The following POU3F3 variants were observed in gnomAD, a reference collection of about 807,000 sequenced individuals.
The protein encoded by POU3F3 is POU class 3 homeobox 3.
POU3F3 carries 1 observed loss-of-function variant against 8.6 expected under a neutral mutation model. The observed-to-expected ratio is 0.12, with a 90% CI of 0.04 to 0.55. The LOEUF (loss-of-function observed/expected upper bound fraction) is 0.55, where lower values mean the gene tolerates loss of function less well. Ranked by LOEUF, POU3F3 falls within the 20% of genes least tolerant of loss-of-function variation. POU3F3 has a pLI of 0.91. For missense variants in POU3F3, 577 were observed against 690.7 expected (o/e 0.84, Z 1.84); for synonymous variants, 418 against 327.4 (o/e 1.28, Z -2.99).
the POU3F3 span, among the ~76,000 whole-genome samples, chr2:104,863,651 C>T: frequency 6.6e-6 from 1 of 152,118 alleles, no homozygotes; most frequent in South Asian, 2.1e-4. Context: ...GGATCTGGAC[C>T]CGTGACCCCT....
the POU3F3 span, among the ~76,000 whole-genome samples, chr2:104,917,770 G>T: frequency 6.6e-6 from 1 of 152,188 alleles, no homozygotes; most frequent in Non-Finnish European, 1.5e-5. Flanking sequence ...TCCACCACCA[G>T]AATCCAGGAT....
downstream of POU3F3, among the ~76,000 whole-genome samples, chr2:104,862,448 T>G (rs1162429972): frequency 6.6e-6 from 1 of 151,652 alleles, no homozygotes; most frequent in Non-Finnish European, 1.5e-5. Flanking sequence ...CGGGGTCAGG[T>G]GTAAGGCCTG....
chr2:104,901,511 G>C, the POU3F3 span, among the ~76,000 whole-genome samples: 1 of 152,160 alleles, frequency 6.6e-6, no homozygotes, highest in African/African-American at 2.4e-5. Flanking sequence ...CACTTCAGCC[G>C]CAGTTACCAC....
chr2:104,854,843 GGAGGAGAGGA>G lies in POU3F3; in HGVS notation c.-654_-645del, dbSNP rs762777001. On this transcript the variant is annotated 5_prime_UTR_variant, in exon 1 of 1. Transcript: ENST00000361360. The surrounding 1 kb of genome is among the most constrained non-coding windows in gnomAD (Gnocchi z 4.5). ...GAAAACGAGTGAAATGTGTTCCTGA[GGAGGAGAGGA>G]GAGGAGAGGAGAGAGCGGACAAGAG... 1.4e-4 allele frequency among the ~76,000 whole-genome samples: 22 copies of G among 152,340 alleles called. No individual in the cohort carries two copies. The highest frequency in any genetic ancestry group is 4.6e-4 in the Admixed American group (7 of 15,304).
At chr2:104,878,320 A>T in the POU3F3 span, among the ~76,000 whole-genome samples, 1 of 152,210 alleles carries the variant, frequency 6.6e-6, no homozygotes, top group Admixed American at 6.5e-5. Context: ...AATTATTTTC[A>T]ATGGAGTGGA....
the POU3F3 span, among the ~76,000 whole-genome samples, chr2:104,885,367 T>A: frequency 1.3e-5 from 2 of 152,210 alleles, no homozygotes; most frequent in Non-Finnish European, 2.9e-5. Context: ...CATTGCTGCA[T>A]TCCCAGAAGG....
At chr2:104,894,548 C>T in the POU3F3 span, among the ~76,000 whole-genome samples, 13 of 152,148 alleles carry the variant, frequency 8.5e-5, no homozygotes, top group African/African-American at 3.1e-4. Context: ...GGGTCTGCAT[C>T]CACCATGGGG....
chr2:104,900,767 C>T, the POU3F3 span, among the ~76,000 whole-genome samples: 4 of 152,216 alleles, frequency 2.6e-5, no homozygotes, highest in East Asian at 7.7e-4. Flanking sequence ...TATTGCAAGG[C>T]TGCCCGTGGC....
chr2:104,863,031 G>A (rs1194070747), downstream of POU3F3, among the ~76,000 whole-genome samples: 1 of 151,660 alleles, frequency 6.6e-6, no homozygotes, highest in Non-Finnish European at 1.5e-5. Flanking sequence ...GTCTATCGGG[G>A]TTACTGATAA....
the POU3F3 span, among the ~76,000 whole-genome samples, chr2:104,884,923 C>T: frequency 6.6e-6 from 1 of 152,100 alleles, no homozygotes; most frequent in Non-Finnish European, 1.5e-5. Context: ...AACAGAGCCA[C>T]TTAAAGGTGT....
downstream of POU3F3, among the ~76,000 whole-genome samples, chr2:104,862,020 AGGAGGG>A (rs1676665224): frequency 1.3e-5 from 2 of 152,216 alleles, no homozygotes; most frequent in African/African-American, 2.4e-5. Flanking sequence ...CGGAGATAGC[AGGAGGG>A]GTACTTGTGT....
chr2:104,918,178 A>G, the POU3F3 span, among the ~76,000 whole-genome samples: 1 of 152,216 alleles, frequency 6.6e-6, no homozygotes, highest in Non-Finnish European at 1.5e-5. Context: ...CTACATCTGG[A>G]TACTGCATCT....
At chr2:104,910,177 T>C in the POU3F3 span, among the ~76,000 whole-genome samples, 1 of 152,118 alleles carries the variant, frequency 6.6e-6, no homozygotes, top group East Asian at 1.9e-4. Flanking sequence ...GCACTAAAAA[T>C]GGGCTACAAT....
At chr2:104,883,991 A>G in the POU3F3 span, among the ~76,000 whole-genome samples, 2 of 152,172 alleles carry the variant, frequency 1.3e-5, no homozygotes, top group South Asian at 2.1e-4. Context: ...TCACTTCCCT[A>G]GGTGAGTTCC....
At chr2:104,882,906 T>C in the POU3F3 span, among the ~76,000 whole-genome samples, 11 of 152,236 alleles carry the variant, frequency 7.2e-5, no homozygotes, top group Admixed American at 7.2e-4. Context: ...GCAAAGAGTA[T>C]TAGGATTAGA....
At chr2:104,872,736 A>G in the POU3F3 span, 1 of 206,214 alleles carries the variant, frequency 4.8e-6, no homozygotes, top group Non-Finnish European at 9.6e-6. The surrounding 1 kb of genome is among the most constrained non-coding windows in gnomAD (Gnocchi z 4.6). Flanking sequence ...TTCACAGCCA[A>G]GGAGAGGCAC....
At chr2:104,906,097 C>T in the POU3F3 span, among the ~76,000 whole-genome samples, 1 of 152,212 alleles carries the variant, frequency 6.6e-6, no homozygotes, top group Non-Finnish European at 1.5e-5. Context: ...CCTCACACAG[C>T]TTCTAATTTT....
chr2:104,861,587 T>C (rs1266348881), downstream of POU3F3, among the ~76,000 whole-genome samples: 2 of 152,094 alleles, frequency 1.3e-5, no homozygotes, highest in East Asian at 1.9e-4. Flanking sequence ...AACAAGGTGA[T>C]GTGAAAAAAG....
chr2:104,878,219 C>A, the POU3F3 span, among the ~76,000 whole-genome samples: 1 of 152,096 alleles, frequency 6.6e-6, no homozygotes, highest in African/African-American at 2.4e-5. Context: ...CAGCCAGATT[C>A]TAAAGGTCAG....
Sources: gnomAD v4.1 joint callset for allele counts (sites outside exome capture counted in the v4.1 genomes callset) on GRCh38, gnomAD v4.1.1 for gene constraint, Gnocchi (gnomAD v3.1) non-coding constraint, MANE v1.5 for transcripts, NCBI Gene and HGNC (gene_info 2026-07-23, HGNC 2026-07-21) for gene names.